Variants in CTPS2 observed in about 807,000 individuals in gnomAD.
CTPS2 encodes CTP synthase 2.
A neutral mutation model predicts 46.8 loss-of-function variants in CTPS2; 19 were observed. The ratio of observed to expected loss-of-function variants is 0.41; its 90% CI spans 0.28 to 0.60. The LOEUF is 0.60. CTPS2 is among the 20% of genes least tolerant of loss of function. The pLI is 0.35. For missense variants in CTPS2, 286 were observed against 447.6 expected, an observed-to-expected ratio of 0.64 and a Z score of 3.26; for synonymous variants, 151 against 165.2, an observed-to-expected ratio of 0.91 and a Z score of 0.66.
At chrX:16,676,506 A>G (rs1189317816) in intron 10 of CTPS2, among the ~76,000 whole-genome samples, 2 of 112,497 alleles carry the variant, frequency 1.8e-5, no homozygotes, top group African/African-American at 6.5e-5. Context: ...TTAAAAGCCT[A>G]TTGAAAAATA....
chrX:16,707,701 G>A (rs1302479423), intron 1 of CTPS2, among the ~76,000 whole-genome samples: 2 of 112,025 alleles, frequency 1.8e-5, no homozygotes, highest in Non-Finnish European at 3.8e-5. Context: ...GACCAGGTGC[G>A]GTGGCTCATG....
intron 17 of CTPS2, among the ~76,000 whole-genome samples, chrX:16,597,503 C>T (rs1417765323): frequency 1.8e-5 from 2 of 111,514 alleles, no homozygotes; most frequent in Admixed American, 9.5e-5. Context: ...CAGATAGTTG[C>T]AGATATGCGG....
intron 1 of CTPS2, among the ~76,000 whole-genome samples, chrX:16,711,028 A>G (rs1159840806): frequency 8.9e-6 from 1 of 112,171 alleles, no homozygotes; most frequent in Non-Finnish European, 1.9e-5. Context: ...TGGTGTCAAG[A>G]CAAGTTTTTC....
intron 17 of CTPS2, among the ~76,000 whole-genome samples, chrX:16,599,488 T>A (rs1180046394): frequency 4.7e-4 from 50 of 105,706 alleles, no homozygotes; most frequent in Admixed American, 8.1e-4. Context: ...TTTTTTTTTT[T>A]TTTTTGAGAC....
At chrX:16,673,291 G>A (rs1302497157) in intron 10 of CTPS2, among the ~76,000 whole-genome samples, 2 of 111,462 alleles carry the variant, frequency 1.8e-5, no homozygotes, top group Non-Finnish European at 3.8e-5. Context: ...TAGGACCCCT[G>A]TAAGCCTGCT....
chrX:16,706,122 G>A (rs1246180789), intron 1 of CTPS2, among the ~76,000 whole-genome samples: 1 of 108,280 alleles, frequency 9.2e-6, no homozygotes, highest in Non-Finnish European at 1.9e-5. Context: ...AAGAAAGAAA[G>A]AAAAGAAAAG....
At chrX:16,660,961 ATT>A (rs375215374) in intron 13 of CTPS2, among the ~76,000 whole-genome samples, 10 of 97,667 alleles carry the variant, frequency 1.0e-4, no homozygotes, top group Admixed American at 1.1e-4. Context: ...TTATAGCTGC[ATT>A]TTTTTTTTTT....
At chrX:16,613,452 A>G (rs1930364622) in intron 16 of CTPS2, among the ~76,000 whole-genome samples, 1 of 111,728 alleles carries the variant, frequency 9.0e-6, no homozygotes, top group Admixed American at 9.5e-5. Context: ...AATTCTAAAC[A>G]CCAGCTTTCT....
chrX:16,643,145 C>T (rs142967738), intron 13 of CTPS2, among the ~76,000 whole-genome samples: 2 of 112,090 alleles, frequency 1.8e-5, no homozygotes, highest in Non-Finnish European at 3.8e-5. Context: ...GAGTTCAAGA[C>T]TTTACAGCAT....
intron 7 of CTPS2, among the ~76,000 whole-genome samples, chrX:16,690,073 A>G (rs1483852233): frequency 1.9e-5 from 2 of 107,811 alleles, no homozygotes; most frequent in Non-Finnish European, 3.8e-5. Context: ...AGAAGTGTAC[A>G]CAAAACGATT....
At chrX:16,644,677 C>T (rs184625459) in intron 13 of CTPS2, among the ~76,000 whole-genome samples, 131 of 112,141 alleles carry the variant, frequency 1.2e-3, no homozygotes, top group African/African-American at 3.8e-3. Context: ...CTCTCGTACA[C>T]CCTCCAGAAG....
chrX:16,668,800 A>AGGAAGGAC (rs1921456513), intron 11 of CTPS2, among the ~76,000 whole-genome samples: 1 of 107,915 alleles, frequency 9.3e-6, no homozygotes. Flanking sequence ...GAAGGAAGGA[A>AGGAAGGAC]GGAAGGAAGG....
intron 13 of CTPS2, among the ~76,000 whole-genome samples, chrX:16,651,579 T>A (rs1932636023): frequency 8.9e-6 from 1 of 112,325 alleles, no homozygotes; most frequent in South Asian, 3.7e-4. Flanking sequence ...TACTTAGCAG[T>A]CTGTTAGGAA....
chrX:16,598,488 C>A (rs1352234314), intron 17 of CTPS2, among the ~76,000 whole-genome samples: 1 of 108,884 alleles, frequency 9.2e-6, no homozygotes, highest in Non-Finnish European at 1.9e-5. Context: ...GACACATACA[C>A]CCTCCCAAGA....
intron 17 of CTPS2, among the ~76,000 whole-genome samples, chrX:16,607,263 T>C (rs1005848391): frequency 2.7e-5 from 3 of 113,082 alleles, no homozygotes; most frequent in Non-Finnish European, 5.6e-5. Context: ...TAACGGGAAT[T>C]GTAAAACGGC....
chrX:16,629,795 C>T (rs957984523), intron 14 of CTPS2, among the ~76,000 whole-genome samples: 3 of 111,970 alleles, frequency 2.7e-5, no homozygotes, highest in East Asian at 2.8e-4. Flanking sequence ...TAAACTGTAC[C>T]GGGACTCCCA....
intron 13 of CTPS2, among the ~76,000 whole-genome samples, chrX:16,666,114 T>TA (rs963175916): frequency 1.8e-5 from 2 of 112,043 alleles, no homozygotes; most frequent in African/African-American, 6.5e-5. Context: ...TAAAGCTGTT[T>TA]AAAAAACCAA....
chrX:16,688,874 A>G (rs1488237400), intron 8 of CTPS2, among the ~76,000 whole-genome samples: 1 of 110,770 alleles, frequency 9.0e-6, no homozygotes, highest in African/African-American at 3.3e-5. Context: ...TGGGCAGATC[A>G]CTTGAGCCCA....
At chrX:16,594,466 A>G (rs1359004781) in intron 17 of CTPS2, among the ~76,000 whole-genome samples, 2 of 112,162 alleles carry the variant, frequency 1.8e-5, no homozygotes, top group African/African-American at 6.5e-5. Flanking sequence ...AAAACTATAT[A>G]AAAACATAAG....
Sources: allele counts gnomAD v4.1 joint callset (sites outside exome capture counted in the v4.1 genomes callset), GRCh38; gene constraint gnomAD v4.1.1; transcripts MANE v1.5; gene names NCBI Gene and HGNC (gene_info 2026-07-23, HGNC 2026-07-21).